Variants in SNAPC3 observed in about 807,000 individuals in gnomAD.
SNAPC3 encodes snRNA-activating protein complex subunit 3.
A neutral mutation model predicts 47.7 loss-of-function variants in SNAPC3; 56 were observed. That is an observed-to-expected ratio of 1.18 (90% CI 0.95 to 1.47). SNAPC3 has a LOEUF of 1.47. Among genes scored for constraint, SNAPC3 ranks in the 40% most tolerant of loss-of-function variants. The pLI, the probability that SNAPC3 is intolerant of heterozygous loss-of-function variation, is 0.00. For synonymous variants in SNAPC3, 235 were observed against 189.9 expected (o/e 1.24, Z -1.95); for missense variants, 665 against 511.3 (o/e 1.30, Z -2.90).
Position 15,444,702 on chromosome 9 carries a change from A to T in SNAPC3, c.578A>T (p.His193Leu). 7 of 1,540,904 alleles carry T rather than the reference A, an allele frequency of 4.5e-6. No individual in the cohort carries two copies. The highest frequency in any genetic ancestry group is 6.3e-6 in the Non-Finnish European group (7 of 1,116,372). Residue 193 changes from histidine (H) to leucine (L), a missense_variant, in exon 4 of 9, where the codon CAT becomes CTT. By Grantham distance (99) the His-to-Leu change is moderately conservative. Coordinates refer to ENST00000380821, the MANE Select transcript of SNAPC3 (RefSeq NM_001039697.2). ...SVNILYPVIF[H>L]KHKEHKPYQT... is the part of the protein sequence containing the mutation. ...AATATCTTGTACCCTGTTATATTTCATAAGGTAAGTAGTAAAACCTTTTGG... is the reference window on the plus strand; with the variant it reads ...AATATCTTGTACCCTGTTATATTTCTTAAGGTAAGTAGTAAAACCTTTTGG...
At chr9:15,426,154 C>T (rs973300307) in intron 2 of SNAPC3, among the ~76,000 whole-genome samples, 4 of 152,170 alleles carry the variant, frequency 2.6e-5, no homozygotes, top group Admixed American at 6.5e-5. Context: ...GCACCTGGCC[C>T]GACCTTGCTG....
At chr9:15,426,490 A>G (rs1336707337) in intron 2 of SNAPC3, among the ~76,000 whole-genome samples, 4 of 152,208 alleles carry the variant, frequency 2.6e-5, no homozygotes, top group African/African-American at 4.8e-5. Flanking sequence ...TATATTACCA[A>G]TTCCTAGAAC....
rs776751055 is a variant in SNAPC3 at position 15,459,707 on chromosome 9, T to A, written c.1089-12T>A. On this transcript the variant is annotated splice_polypyrimidine_tract_variant and intron_variant, in intron 8 of 8. Coordinates refer to ENST00000380821, the MANE Select transcript of SNAPC3 (RefSeq NM_001039697.2). ...GATTGTAATGATGTACTTCTTTTTT[T>A]AAAAACTACAGATGGGTGACGAACA... is the stretch of plus-strand genomic sequence containing the variant. 57 of 1,609,906 alleles carry A rather than the reference T, an allele frequency of 3.5e-5. 2 individuals carry two copies. The South Asian group carries it at 4.3e-4, about 12-fold the overall frequency.
In SNAPC3 at chr9:15,453,129, T is replaced by C; in HGVS notation, c.904T>C (p.Cys302Arg). ...GGAAGATTTCACCTTCAATGACTTG[T>C]GTATTAAACTGGGTTTTCCTTACTT... ...RMEDFTFNDL[C>R]IKLGFPYLYC... The change falls in exon 7 of 9, where the codon TGT (cysteine) becomes CGT (arginine). Residue 302 changes from cysteine (C) to arginine (R), a missense_variant. Transcript: ENST00000380821. The C allele has an allele frequency of 1.2e-6, 2 of 1,612,694 alleles. No homozygotes were observed. The highest frequency in any genetic ancestry group is 1.7e-6 in the Non-Finnish European group (2 of 1,178,716).
intron 7 of SNAPC3, 49 bp downstream of exon 7, chr9:15,453,254 T>C (rs1371967853): frequency 7.0e-7 from 1 of 1,423,534 alleles, no homozygotes; most frequent in African/African-American, 1.4e-5. Context: ...TTTCTTTATT[T>C]CAGAGTACAA....
intron 2 of SNAPC3, among the ~76,000 whole-genome samples, chr9:15,429,164 GACAT>G (rs907253377): frequency 6.6e-6 from 1 of 151,950 alleles, no homozygotes; most frequent in African/African-American, 2.4e-5. Flanking sequence ...TTGAAAAACT[GACAT>G]ACAAAGCAAG....
chr9:15,458,493 C>T (rs1326444171), intron 8 of SNAPC3, among the ~76,000 whole-genome samples: 1 of 152,156 alleles, frequency 6.6e-6, no homozygotes, highest in Non-Finnish European at 1.5e-5. Flanking sequence ...GCTCGAGAGC[C>T]ATGTTCTTTC....
chr9:15,438,848 C>T (rs934571797), intron 3 of SNAPC3, among the ~76,000 whole-genome samples: 5 of 151,994 alleles, frequency 3.3e-5, no homozygotes, highest in African/African-American at 1.2e-4. Flanking sequence ...CTTTGTATAT[C>T]TGTTGGGTCT....
At chr9:15,459,644 T>A (rs1227553740) in intron 8 of SNAPC3, 75 bp from the exon 9 acceptor site, 2 of 1,120,138 alleles carry the variant, frequency 1.8e-6, no homozygotes, top group African/African-American at 3.1e-5. Context: ...ATTTACATAT[T>A]GCTACAGGTC....
At chr9:15,423,308 G>A in intron 1 of SNAPC3, 115 bp downstream of exon 1, 1 of 1,089,554 alleles carries the variant, frequency 9.2e-7, no homozygotes, top group South Asian at 1.7e-5. Flanking sequence ...ACCTGGGCTA[G>A]GAGTATTACC....
At chr9:15,425,547 C>T (rs930744608) in intron 2 of SNAPC3, among the ~76,000 whole-genome samples, 3 of 152,120 alleles carry the variant, frequency 2.0e-5, no homozygotes, top group Non-Finnish European at 2.9e-5. Context: ...CCCAAAGATT[C>T]CTTTCCAGAT....
intron 5 of SNAPC3, among the ~76,000 whole-genome samples, chr9:15,448,546 G>C (rs1244191891): frequency 7.9e-5 from 12 of 152,210 alleles, no homozygotes; most frequent in African/African-American, 2.6e-4. Context: ...TTTGTCCATT[G>C]TAGTATGTAT....
chr9:15,423,245 C>G (rs574973856), intron 1 of SNAPC3, 52 bp downstream of exon 1: 75 of 1,488,346 alleles, frequency 5.0e-5, no homozygotes, highest in Non-Finnish European at 6.3e-5. Context: ...CAGGGTGCAG[C>G]CTTGCTCGTG....
At chr9:15,430,884 T>G (rs939257854) in intron 2 of SNAPC3, among the ~76,000 whole-genome samples, 2 of 152,216 alleles carry the variant, frequency 1.3e-5, no homozygotes, top group African/African-American at 2.4e-5. Flanking sequence ...ACCTTTCATG[T>G]AAGAAAGGTG....
At position 15,459,815 on chromosome 9, in the gene SNAPC3, A is replaced by G; in HGVS notation, c.1185A>G (p.Lys395=). The G allele has an allele frequency of 1.2e-6, 2 of 1,613,542 alleles. No homozygotes were observed. Among genetic ancestry groups the G allele is most frequent in the Non-Finnish European group, 1.7e-6 (2 of 1,179,712 alleles). ...TGCACTATGATTCAGAAGGCAACAA[A>G]CTGGGGGAATTCCTTGCTTATCCTT... ...RMLHYDSEGN[K]LGEFLAYPYV... Residue 395 remains lysine (K), a synonymous_variant, in exon 9 of 9, where the codon AAA becomes AAG. Coordinates refer to ENST00000380821, the MANE Select transcript of SNAPC3 (RefSeq NM_001039697.2).
intron 4 of SNAPC3, among the ~76,000 whole-genome samples, chr9:15,445,560 GAAATATTAATATAT>G (rs2033861493): frequency 1.3e-5 from 1 of 78,514 alleles, no homozygotes; most frequent in Non-Finnish European, 3.7e-5. Flanking sequence ...AGTTGTCATT[GAAATATTAATATAT>G]ATATAAGTTG....
chr9:15,423,872 G>A (rs1311312306), intron 1 of SNAPC3, 37 bp from the exon 2 acceptor site: 1 of 1,251,644 alleles, frequency 8.0e-7, no homozygotes, highest in Non-Finnish European at 1.1e-6. Context: ...CAGATGCAGA[G>A]TCGACCTTAA....
intron 3 of SNAPC3, among the ~76,000 whole-genome samples, chr9:15,438,503 T>C (rs2033030609): frequency 6.6e-6 from 1 of 152,130 alleles, no homozygotes; most frequent in Non-Finnish European, 1.5e-5. Flanking sequence ...TTTTTTTTGC[T>C]AGCTTTGGGT....
chr9:15,444,688 C>A lies in SNAPC3; in HGVS notation c.564C>A (p.Tyr188Ter). 1 of 1,590,676 alleles carries A rather than the reference C, an allele frequency of 6.3e-7. No homozygotes were observed. Among genetic ancestry groups the A allele is most frequent in the Non-Finnish European group, 8.6e-7 (1 of 1,159,414 alleles). Residue 188 changes from tyrosine (Y) to a stop codon, truncating the protein, a stop_gained, in exon 4 of 9, where the codon TAC (tyrosine) becomes TAA (stop). Transcript: ENST00000380821. LOFTEE classifies it high-confidence loss of function. ...TTATCCTATCTGTGAATATCTTGTA[C>A]CCTGTTATATTTCATAAGGTAAGTA... ...GELILSVNIL[Y>*]PVIFHKHKEH... is the part of the protein sequence containing the mutation.
Sources: gnomAD v4.1 joint callset for allele counts (sites outside exome capture counted in the v4.1 genomes callset) on GRCh38, gnomAD v4.1.1 for gene constraint, MANE v1.5 for transcripts, NCBI Gene and HGNC (gene_info 2026-07-23, HGNC 2026-07-21) for gene names.